Variants in CNGB1 observed in about 807,000 individuals in gnomAD.
CNGB1 encodes cyclic nucleotide-gated channel beta-1.
A neutral mutation model predicts 151.7 loss-of-function variants in CNGB1; 126 were observed. The ratio of observed to expected loss-of-function variants is 0.83; its 90% confidence interval spans 0.72 to 0.96. The LOEUF (loss-of-function observed/expected upper bound fraction) is 0.96. CNGB1 is among the 40% of genes least tolerant of loss of function. The pLI is 0.00. For missense variants in CNGB1, 1,698 were observed against 1,627.0 expected (o/e 1.04, Z -0.75); for synonymous variants, 623 against 635.1 (o/e 0.98, Z 0.29).
At position 57,960,549 on chromosome 16, in the gene CNGB1, G is replaced by T. The variant is rs554826002; in HGVS notation, c.535-19C>A. ...TCCAGACCTGGGTGACAAACAGGGC[G>T]CAAGGTCATGGGCCATAGCAAGCTC... is the stretch of plus-strand genomic sequence containing the variant. On this transcript the variant is annotated intron_variant, in intron 8 of 32. Coordinates refer to ENST00000251102, the MANE Select transcript of CNGB1 (RefSeq NM_001297.5). 2 of 1,612,600 alleles carry T rather than the reference G, an allele frequency of 1.2e-6. No homozygotes were observed. Among genetic ancestry groups the T allele is most frequent in the South Asian group, 2.2e-5 (2 of 90,800 alleles).
At chr16:57,915,939 T>C (rs966853523) in intron 22 of CNGB1, among the ~76,000 whole-genome samples, 190 bp downstream of exon 22, 1 of 148,900 alleles carries the variant, frequency 6.7e-6, no homozygotes, top group African/African-American at 2.5e-5. Flanking sequence ...AGAAGAAAGA[T>C]AACTTCTGGG....
intron 12 of CNGB1, among the ~76,000 whole-genome samples, chr16:57,954,301 T>A (rs752729638): frequency 6.6e-6 from 1 of 152,156 alleles, no homozygotes; most frequent in Non-Finnish European, 1.5e-5. Context: ...AGGGTGATGA[T>A]GTAAACAAAT....
At chr16:57,948,271 C>T (rs1053292467) in intron 14 of CNGB1, among the ~76,000 whole-genome samples, 4 of 151,896 alleles carry the variant, frequency 2.6e-5, no homozygotes, top group African/African-American at 7.3e-5. Flanking sequence ...AAGTTCAAGG[C>T]TTTACAACCT....
rs1159481121 is a variant in CNGB1 at position 57,919,273 on chromosome 16, G to A, written c.1802-19C>T. ...GCTGGGGCTGTGGGATGACATTGGT[G>A]ACCATCTGAACCAGCCCTGAGGCCC... is the stretch of plus-strand genomic sequence containing the variant. On this transcript the variant is annotated intron_variant, in intron 19 of 32. Transcript: ENST00000251102. 6.2e-7 allele frequency: 1 copy of A among 1,613,944 alleles called. No homozygotes were observed. Among genetic ancestry groups the A allele is most frequent in the African/African-American group, 1.3e-5 (1 of 74,906 alleles).
chr16:57,909,174 G>C (rs756433191), intron 25 of CNGB1, among the ~76,000 whole-genome samples: 1 of 152,086 alleles, frequency 6.6e-6, no homozygotes, highest in African/African-American at 2.4e-5. Context: ...AGACTGAGGT[G>C]GGGGGATCAC....
intron 31 of CNGB1, among the ~76,000 whole-genome samples, chr16:57,891,461 G>A (rs2149353174): frequency 6.6e-6 from 1 of 152,224 alleles, no homozygotes; most frequent in African/African-American, 2.4e-5. Flanking sequence ...AGCTATGATC[G>A]TGTCACTGCA....
rs3038249 is a variant in CNGB1, at chr16:57,896,713, AAAATAAATAAAT to A, written c.3242+672_3242+683del. Among the ~76,000 whole-genome samples, 749 of 137,034 alleles carry A rather than the reference AAAATAAATAAAT, an allele frequency of 5.5e-3. 6 individuals are homozygous for A. Among genetic ancestry groups the A allele is most frequent in the South Asian group, 0.036 (152 of 4,248 alleles). 89.9% of individuals were successfully genotyped at this position (137,034 alleles called of 152,430 possible). A position where few individuals can be genotyped will look rare whatever the true frequency, so the allele number is the denominator to read the frequency against. ...GGGCGACAGAGCAAGACTCTGTCTC[AAAATAAATAAAT>A]AAATAAATAAATAAATAAATAAATA... On this transcript the variant is annotated intron_variant, in intron 31 of 32. Coordinates refer to ENST00000251102, the MANE Select transcript of CNGB1 (RefSeq NM_001297.5).
chr16:57,958,325 G>A (rs549053739), intron 11 of CNGB1, 85 bp downstream of exon 11: 1 of 1,151,764 alleles, frequency 8.7e-7, no homozygotes, highest in Non-Finnish European at 1.3e-6. Context: ...TTCTGCCACA[G>A]GGCCAACCAT....
chr16:57,940,336 G>A lies in CNGB1; in HGVS notation c.1122-15C>T, dbSNP rs2303778. On this transcript the variant is annotated splice_polypyrimidine_tract_variant and intron_variant, in intron 14 of 32. Coordinates refer to ENST00000251102, the MANE Select transcript of CNGB1 (RefSeq NM_001297.5). ...CCAGCAGCACCCTGTGACCCGGGGC[G>A]GGGTGGGGAGGATAAAAGGACTGGG... 814,443 of 1,565,052 alleles carry A rather than the reference G, an allele frequency of 0.52. 217,419 individuals are homozygous for A. Among genetic ancestry groups the A allele is most frequent in the Non-Finnish European group, 0.55 (632,391 of 1,154,592 alleles).
intron 14 of CNGB1, among the ~76,000 whole-genome samples, chr16:57,944,720 C>T (rs967001567): frequency 9.2e-5 from 14 of 151,552 alleles, no homozygotes; most frequent in African/African-American, 3.4e-4. Flanking sequence ...TTCGGGAGGT[C>T]GAGGTGGGCG....
At chr16:57,939,202 G>A (rs910326641) in intron 16 of CNGB1, among the ~76,000 whole-genome samples, 1 of 152,130 alleles carries the variant, frequency 6.6e-6, no homozygotes, top group African/African-American at 2.4e-5. Flanking sequence ...GGAGTCCTGG[G>A]CCTCAGTGAA....
At chr16:57,906,107 T>C (rs1041565999) in intron 25 of CNGB1, among the ~76,000 whole-genome samples, 2 of 152,180 alleles carry the variant, frequency 1.3e-5, no homozygotes, top group Admixed American at 1.3e-4. Context: ...CAGCTATTTA[T>C]GCAGTGTCCT....
chr16:57,949,272 C>A, intron 14 of CNGB1, 81 bp downstream of exon 14: 1 of 1,597,808 alleles, frequency 6.3e-7, no homozygotes, highest in Non-Finnish European at 8.5e-7. Context: ...CTCCCATGAG[C>A]AGCAAAGAGT....
Position 57,897,945 on chromosome 16 carries a change from T to C in CNGB1, c.2977-31A>G, listed in dbSNP as rs1960280649. ...ACAAAGAAGTGACAAGTCCCTCTGT[T>C]CATCCCCCAAAGTCACCAGAGAAGC... On this transcript the variant is annotated intron_variant, in intron 29 of 32. Transcript: ENST00000251102. 4.3e-6 allele frequency: 7 copies of C among 1,609,306 alleles called. No homozygotes were observed. In the East Asian group the frequency reaches 1.6e-4, roughly 36 times the overall value.
At position 57,905,649 on chromosome 16, in the gene CNGB1, G is replaced by A. The variant is rs549141047; in HGVS notation, c.2493-774C>T. Among the ~76,000 whole-genome samples, 21 of 152,386 alleles carry A rather than the reference G, an allele frequency of 1.4e-4. 2 individuals are homozygous for A. In the South Asian group the frequency reaches 2.3e-3, roughly 17 times the overall value. Reference sequence around the variant, plus strand: ...GTGTCAGGAGCTAGGGCCTTCGGGCGCCGTTTAGGCTGCGAGGGCTTTGCC... The same window carrying A: ...GTGTCAGGAGCTAGGGCCTTCGGGCACCGTTTAGGCTGCGAGGGCTTTGCC... On this transcript the variant is annotated intron_variant, in intron 25 of 32. Coordinates refer to ENST00000251102, the MANE Select transcript of CNGB1 (RefSeq NM_001297.5).
At chr16:57,897,012 G>T (rs1960247182) in intron 31 of CNGB1, among the ~76,000 whole-genome samples, 2 of 152,082 alleles carry the variant, frequency 1.3e-5, no homozygotes, top group South Asian at 4.1e-4. Context: ...TTATTTTAAT[G>T]AAGGTACTAG....
chr16:57,947,484 G>C (rs1261325537), intron 14 of CNGB1, among the ~76,000 whole-genome samples: 37 of 152,200 alleles, frequency 2.4e-4, no homozygotes, highest in African/African-American at 8.9e-4. Context: ...GCAGAATTAG[G>C]ACAAGTCAGG....
In CNGB1 at chr16:57,902,786, G is replaced by T. The variant is rs546285823; in HGVS notation, c.2794+1036C>A. Among the ~76,000 whole-genome samples, 6 of 148,738 alleles carry T rather than the reference G, an allele frequency of 4.0e-5. No homozygotes were observed. In the South Asian group the frequency reaches 1.1e-3, roughly 26 times the overall value. ...ACCAACATGCCCAGCTAAATTTTTT[G>T]ACTTTTTGTAGAGATGGGGTTTCAC... On this transcript the variant is annotated intron_variant, in intron 27 of 32. Transcript: ENST00000251102.
chr16:57,963,404 T>C (rs1962311284), intron 4 of CNGB1, among the ~76,000 whole-genome samples: 1 of 152,188 alleles, frequency 6.6e-6, no homozygotes, highest in Non-Finnish European at 1.5e-5. Context: ...CTCCATGGGA[T>C]GCTTAGGACA....
Sources: gnomAD v4.1 joint callset for allele counts (sites outside exome capture counted in the v4.1 genomes callset) on GRCh38, gnomAD v4.1.1 for gene constraint, MANE v1.5 for transcripts, NCBI Gene and HGNC (gene_info 2026-07-23, HGNC 2026-07-21) for gene names.